The following HAO1 variants were observed in gnomAD, a reference collection of about 807,000 sequenced individuals.
The protein encoded by HAO1 is hydroxyacid oxidase 1.
Under a neutral mutation model 39.7 loss-of-function variants are expected in HAO1, and 34 were observed. The observed-to-expected ratio is 0.86, with a 90% CI of 0.65 to 1.14. The LOEUF (loss-of-function observed/expected upper bound fraction) is 1.14. Ranked by LOEUF, HAO1 falls within the 50% of genes most tolerant of loss-of-function variation. HAO1 has a pLI of 0.00. For synonymous variants in HAO1, 172 were observed against 173.2 expected (o/e 0.99, Z 0.05); for missense variants, 479 against 464.5 (o/e 1.03, Z -0.29).
rs1292549632 is a variant in HAO1 at position 7,936,550 on chromosome 20, G to GTGTGTGTGTGTT, written c.138-1916_138-1915insAACACACACACA. On this transcript the variant is annotated intron_variant, in intron 1 of 7. Transcript: ENST00000378789. The stretch of plus-strand genomic sequence containing the variant: ...TGTGTGTGTGTGTGTGTGTGTGTTC[G>GTGTGTGTGTGTT]CGCGCGCGCGCGCGCGTGCGTGCCA... Among the ~76,000 whole-genome samples the GTGTGTGTGTGTT allele has an allele frequency of 4.4e-3, 623 of 140,994 alleles. 5 individuals carry two copies. The highest frequency in any genetic ancestry group is 0.013 in the South Asian group (58 of 4,558). The allele number at this position is 140,994 out of a possible 152,430, so 92.5% of individuals were successfully genotyped here. A position where few individuals can be genotyped will look rare whatever the true frequency, so the allele number is the denominator to read the frequency against.
chr20:7,895,893 A>AAAAAAC (rs1302080698), intron 4 of HAO1, among the ~76,000 whole-genome samples: 6 of 152,060 alleles, frequency 3.9e-5, no homozygotes, highest in Non-Finnish European at 5.9e-5. Context: ...TAAAAATACA[A>AAAAAAC]AAAAACAAAA....
intron 2 of HAO1, among the ~76,000 whole-genome samples, chr20:7,921,862 C>T (rs1364317550): frequency 2.0e-5 from 3 of 152,038 alleles, no homozygotes; most frequent in Non-Finnish European, 4.4e-5. Flanking sequence ...TAACCAAAAA[C>T]CAAATACCAC....
intron 5 of HAO1, 69 bp downstream of exon 5, chr20:7,895,064 A>T: frequency 2.1e-6 from 2 of 951,268 alleles, no homozygotes; most frequent in Non-Finnish European, 3.5e-6. Flanking sequence ...GGAGGAAGAC[A>T]TAGAGATAGT....
intron 3 of HAO1, among the ~76,000 whole-genome samples, chr20:7,909,390 T>TATAC: frequency 7.0e-6 from 1 of 143,808 alleles, no homozygotes; most frequent in South Asian, 2.3e-4. Context: ...TATATATATA[T>TATAC]ATATATATAT....
chr20:7,934,871 A>G (rs2050403076), intron 1 of HAO1, among the ~76,000 whole-genome samples: 1 of 152,238 alleles, frequency 6.6e-6, no homozygotes, highest in Admixed American at 6.5e-5. Flanking sequence ...TAACTAATAC[A>G]TAATAGTATT....
intron 4 of HAO1, among the ~76,000 whole-genome samples, chr20:7,901,796 C>T (rs1013404369): frequency 3.9e-5 from 6 of 152,114 alleles, no homozygotes; most frequent in African/African-American, 1.4e-4. Context: ...GGAAAGGATT[C>T]ACCATCTAGA....
intron 6 of HAO1, 41 bp downstream of exon 6, chr20:7,885,665 C>G: frequency 6.3e-7 from 1 of 1,580,196 alleles, no homozygotes; most frequent in Non-Finnish European, 8.7e-7. Context: ...GTTTTACTGT[C>G]AAGTTGTCTA....
At chr20:7,891,812 A>C (rs1033052921) in intron 5 of HAO1, among the ~76,000 whole-genome samples, 4 of 152,186 alleles carry the variant, frequency 2.6e-5, no homozygotes, top group Non-Finnish European at 5.9e-5. Flanking sequence ...AAATCTAGTT[A>C]GATTTGATTT....
At chr20:7,893,756 A>G (rs1429417435) in intron 5 of HAO1, among the ~76,000 whole-genome samples, 1 of 152,092 alleles carries the variant, frequency 6.6e-6, no homozygotes, top group Non-Finnish European at 1.5e-5. Context: ...CCTAAAACCC[A>G]GTTTTTCAGA....
rs930147527 is a variant in HAO1 at position 7,914,232 on chromosome 20, C to T, written c.477G>A (p.Val159=). ...GACGGTTGCCCAGGTAAGGTGTGTC[C>T]ACTGTCACAAATATGGCCTTGTAGC... ...KMGYKAIFVT[V]DTPYLGNRLD... The change falls in exon 3 of 8, where the codon GTG becomes GTA. Residue 159 remains valine (V), a synonymous_variant. Coordinates refer to ENST00000378789, the MANE Select transcript of HAO1 (RefSeq NM_017545.3). 3 of 1,614,006 alleles carry T rather than the reference C, an allele frequency of 1.9e-6. No homozygotes were observed. In the African/African-American group the frequency reaches 4.0e-5, roughly 22 times the overall value.
intron 2 of HAO1, among the ~76,000 whole-genome samples, chr20:7,927,908 G>A (rs564047692): frequency 1.3e-5 from 2 of 152,198 alleles, no homozygotes; most frequent in African/African-American, 2.4e-5. Context: ...TCTAAGCCTC[G>A]ATTTCCACAC....
chr20:7,938,247 C>CA (rs1224602970), intron 1 of HAO1, among the ~76,000 whole-genome samples: 2 of 152,054 alleles, frequency 1.3e-5, no homozygotes, highest in African/African-American at 2.4e-5. Context: ...CTACATGATG[C>CA]AGTGTGAGGA....
intron 2 of HAO1, among the ~76,000 whole-genome samples, chr20:7,917,108 G>T (rs1415549800): frequency 6.6e-6 from 1 of 152,102 alleles, no homozygotes. Context: ...GGGAGGCCAA[G>T]GTAGGCAGAT....
intron 7 of HAO1, among the ~76,000 whole-genome samples, chr20:7,884,589 A>C (rs1370021085): frequency 6.6e-6 from 1 of 152,212 alleles, no homozygotes. Context: ...ATCCAGGCAG[A>C]GCGAACAACC....
chr20:7,913,292 G>A (rs1019602030), intron 3 of HAO1, among the ~76,000 whole-genome samples: 3 of 151,788 alleles, frequency 2.0e-5, no homozygotes, highest in African/African-American at 7.3e-5. Context: ...GATGCTGTAG[G>A]AGTCCATCAT....
At chr20:7,940,258 C>A (rs1049911290) in intron 1 of HAO1, 28 bp downstream of exon 1, 1 of 1,559,808 alleles carries the variant, frequency 6.4e-7, no homozygotes, top group African/African-American at 1.4e-5. Context: ...AATTTTAAAA[C>A]ATGATTTTAA....
intron 4 of HAO1, among the ~76,000 whole-genome samples, chr20:7,901,696 A>T (rs1224950254): frequency 6.6e-6 from 1 of 152,210 alleles, no homozygotes; most frequent in African/African-American, 2.4e-5. Context: ...TTCAAGTCTT[A>T]TTAGTTAAGA....
chr20:7,899,726 T>C (rs1031328915), intron 4 of HAO1, among the ~76,000 whole-genome samples: 15 of 152,146 alleles, frequency 9.9e-5, no homozygotes, highest in Non-Finnish European at 2.9e-5. Context: ...TCCACAGTTT[T>C]ACAATTTATT....
chr20:7,906,290 A>G lies in HAO1; in HGVS notation c.585T>C (p.Pro195=). 1 of 1,611,844 alleles carries G rather than the reference A, an allele frequency of 6.2e-7. No homozygotes were observed. The highest frequency in any genetic ancestry group is 1.7e-5 in the Admixed American group (1 of 60,004). ...NFETSTLSFS[P]EENFGDDSGL... ...CACTGTCGTCTCCAAAATTTTCCTC[A>G]GGAGAAAATGATAAAGTACTGGTTT... The change falls in exon 4 of 8, where the codon CCT becomes CCC. Residue 195 remains proline (P), a synonymous_variant. Coordinates refer to ENST00000378789, the MANE Select transcript of HAO1 (RefSeq NM_017545.3).
Sources: allele counts gnomAD v4.1 joint callset (sites outside exome capture counted in the v4.1 genomes callset), GRCh38; gene constraint gnomAD v4.1.1; transcripts MANE v1.5; gene names NCBI Gene and HGNC (gene_info 2026-07-23, HGNC 2026-07-21).